The following MAGI1 variants were observed in gnomAD, a reference collection of about 807,000 sequenced individuals.
MAGI1 encodes the protein membrane-associated guanylate kinase, WW and PDZ domain-containing protein 1.
A neutral mutation model predicts 139.9 loss-of-function variants in MAGI1; 58 were observed. The ratio of observed to expected loss-of-function variants is 0.41; its 90% CI spans 0.34 to 0.52. The LOEUF (loss-of-function observed/expected upper bound fraction) is 0.52, where lower values mean the gene tolerates loss of function less well. Ranked by LOEUF, MAGI1 falls within the 20% of genes least tolerant of loss-of-function variation. MAGI1 has a pLI of 0.12. For missense variants in MAGI1, 1,874 were observed against 1,901.6 expected (o/e 0.99, Z 0.27); for synonymous variants, 812 against 737.9 (o/e 1.10, Z -1.63).
chr3:65,619,707 G>T (rs2083565833), intron 2 of MAGI1: 2 of 269,418 alleles, frequency 7.4e-6, no homozygotes, highest in African/African-American at 2.3e-5. Flanking sequence ...CACAAATGTG[G>T]CCAGAGTAAC....
chr3:65,415,693 CAG>C (rs1191547354), intron 12 of MAGI1, among the ~76,000 whole-genome samples: 1 of 152,196 alleles, frequency 6.6e-6, no homozygotes, highest in African/African-American at 2.4e-5. Context: ...AAACAGAACA[CAG>C]AGTTTCTAAG....
At chr3:65,734,588 G>A (rs76678130) in intron 1 of MAGI1, among the ~76,000 whole-genome samples, 75 of 121,986 alleles carry the variant, frequency 6.1e-4, no homozygotes, top group Non-Finnish European at 7.0e-4. Flanking sequence ...AGAGAGAGAG[G>A]GAGAGAGAGA....
chr3:65,451,991 T>C (rs1949058123), intron 6 of MAGI1, among the ~76,000 whole-genome samples: 1 of 152,138 alleles, frequency 6.6e-6, no homozygotes, highest in Non-Finnish European at 1.5e-5. Context: ...GGATCAGGGA[T>C]ACTTAACCAG....
At chr3:65,776,699 C>G (rs944346772) in intron 1 of MAGI1, among the ~76,000 whole-genome samples, 2 of 152,142 alleles carry the variant, frequency 1.3e-5, no homozygotes, top group Non-Finnish European at 2.9e-5. Context: ...GTACTCCCCC[C>G]GCAACACACA....
intron 1 of MAGI1, among the ~76,000 whole-genome samples, chr3:65,832,585 A>G (rs2042586904): frequency 6.6e-6 from 1 of 152,030 alleles, no homozygotes; most frequent in Non-Finnish European, 1.5e-5. Context: ...CTGTGCCACA[A>G]AAGCACTCAG....
intron 1 of MAGI1, among the ~76,000 whole-genome samples, chr3:65,730,407 G>A (rs2034065845): frequency 6.6e-6 from 1 of 152,140 alleles, no homozygotes; most frequent in South Asian, 2.1e-4. Context: ...CTCATTTAAA[G>A]CAGGAAGCAG....
chr3:65,891,837 C>G (rs12106946), intron 1 of MAGI1, among the ~76,000 whole-genome samples: 1 of 131,432 alleles, frequency 7.6e-6, no homozygotes, highest in Non-Finnish European at 1.6e-5. Context: ...TGTATACATA[C>G]GTAACAAACC....
At chr3:65,767,740 G>A (rs953029084) in intron 1 of MAGI1, among the ~76,000 whole-genome samples, 1 of 152,108 alleles carries the variant, frequency 6.6e-6, no homozygotes, top group African/African-American at 2.4e-5. Context: ...AAAACAAAAT[G>A]AAAGTGTCTA....
intron 1 of MAGI1, among the ~76,000 whole-genome samples, chr3:65,923,718 G>C (rs62243761): frequency 0.019 from 2,915 of 152,274 alleles, 50 homozygotes; most frequent in Non-Finnish European, 0.031. Flanking sequence ...TGCTATGGGA[G>C]ATAAGAGATA....
intron 2 of MAGI1, among the ~76,000 whole-genome samples, chr3:65,526,447 AT>A (rs2078383871): frequency 6.6e-6 from 1 of 152,204 alleles, no homozygotes; most frequent in African/African-American, 2.4e-5. Context: ...TGCAGCAATT[AT>A]GCTACCAAGC....
At chr3:65,924,192 G>C (rs561190637) in intron 1 of MAGI1, among the ~76,000 whole-genome samples, 1 of 152,186 alleles carries the variant, frequency 6.6e-6, no homozygotes, top group South Asian at 2.1e-4. Context: ...TTAACTTTAG[G>C]AAGATTTAAA....
Position 65,665,422 on chromosome 3 carries a change from A to C in MAGI1, c.314-43334T>G, listed in dbSNP as rs1352711916. Reference sequence around the variant, plus strand: ...TTTGTGAGAAGAAAAATTTGAAAAAACATAGTGAACAGCATTGCTGTAAAG... The same window carrying C: ...TTTGTGAGAAGAAAAATTTGAAAAACCATAGTGAACAGCATTGCTGTAAAG... On this transcript the variant is annotated intron_variant, in intron 1 of 22. Transcript: ENST00000402939. Among the ~76,000 whole-genome samples, 4 of 152,220 alleles carry C rather than the reference A, an allele frequency of 2.6e-5. No homozygotes were observed. In the East Asian group the frequency reaches 7.7e-4, roughly 29 times the overall value.
chr3:65,488,318 A>C (rs1951757785), intron 3 of MAGI1, among the ~76,000 whole-genome samples: 1 of 151,912 alleles, frequency 6.6e-6, no homozygotes, highest in African/African-American at 2.4e-5. Flanking sequence ...TTTCTCTCAA[A>C]ACACTCATAA....
At chr3:65,904,542 T>C (rs2061361965) in intron 1 of MAGI1, among the ~76,000 whole-genome samples, 1 of 152,144 alleles carries the variant, frequency 6.6e-6, no homozygotes, top group Non-Finnish European at 1.5e-5. Context: ...ACCCCAGACC[T>C]ACCCTCATCC....
rs556689712 is a variant in MAGI1 at position 65,360,034 on chromosome 3, C to A, written c.3634+1165G>T. 3.0e-6 allele frequency: 3 copies of A among 985,362 alleles called. No individual in the cohort carries two copies. The African/African-American group carries it at 5.2e-5, about 17-fold the overall frequency. The allele number at this position is 985,362 out of a possible 1,614,324, so 61.0% of individuals were successfully genotyped here. ...CTGTGGTTGGCCATGTCTATAGGGG[C>A]CTTGTCTAATACCCACCCTCCCCCT... On this transcript the variant is annotated intron_variant, in intron 22 of 22. Transcript: ENST00000402939.
At chr3:65,475,412 C>T (rs1917528) in intron 4 of MAGI1, among the ~76,000 whole-genome samples, 32,636 of 151,954 alleles carry the variant, frequency 0.21, 3,620 homozygotes, top group Middle Eastern at 0.25. Flanking sequence ...TGGAGTTTTA[C>T]CATGTTGGCC....
chr3:65,632,228 A>G (rs1388585792), intron 1 of MAGI1, among the ~76,000 whole-genome samples: 1 of 152,198 alleles, frequency 6.6e-6, no homozygotes. Flanking sequence ...CCAAATCTGG[A>G]AGAAATTCAG....
At chr3:65,862,030 C>A (rs2059573090) in intron 1 of MAGI1, among the ~76,000 whole-genome samples, 1 of 152,024 alleles carries the variant, frequency 6.6e-6, no homozygotes, top group South Asian at 2.1e-4. Flanking sequence ...GAACTGACAT[C>A]TTATTTATCT....
chr3:65,394,343 A>T (rs1944211861), intron 13 of MAGI1, among the ~76,000 whole-genome samples: 1 of 152,208 alleles, frequency 6.6e-6, no homozygotes, highest in Non-Finnish European at 1.5e-5. Flanking sequence ...CTCTCGGTCA[A>T]ACTGCACCTC....
Sources: gnomAD v4.1 joint callset for allele counts (sites outside exome capture counted in the v4.1 genomes callset) on GRCh38, gnomAD v4.1.1 for gene constraint, MANE v1.5 for transcripts, NCBI Gene and HGNC (gene_info 2026-07-23, HGNC 2026-07-21) for gene names.